SLC9A4: variants seen among roughly 807,000 people sequenced by gnomAD.
SLC9A4 encodes the protein sodium/hydrogen exchanger 4.
Under a neutral mutation model 67.4 loss-of-function variants are expected in SLC9A4, and 63 were observed. That is an observed-to-expected ratio of 0.93 (90% CI 0.76 to 1.15). The LOEUF (loss-of-function observed/expected upper bound fraction) is 1.15. Among genes scored for constraint, SLC9A4 ranks in the 50% most tolerant of loss-of-function variants. The pLI is 0.00. For synonymous variants in SLC9A4, 393 were observed against 367.2 expected (o/e 1.07, Z -0.80); for missense variants, 1,089 against 987.7 (o/e 1.10, Z -1.38).
intron 7 of SLC9A4, among the ~76,000 whole-genome samples, chr2:102,512,615 A>G (rs1685187715): frequency 1.3e-5 from 2 of 152,234 alleles, no homozygotes; most frequent in South Asian, 4.1e-4. Context: ...AAAGGAGTTT[A>G]GAAAGGGAGC....
In SLC9A4 at chr2:102,532,688, G is replaced by A. The variant is rs79918239; in HGVS notation, c.2397G>A (p.Ter799=). The A allele has an allele frequency of 8.4e-5, 135 of 1,610,758 alleles. 2 individuals carry two copies. The East Asian group carries it at 2.9e-3, about 35-fold the overall frequency. ...RSHSPLLQKK[*] Reference sequence around the variant, plus strand: ...ATAGTCCTTTGCTCCAAAAAAAATAGTGTTATTGTCCACAAGATTGTTTTG... The same window carrying A: ...ATAGTCCTTTGCTCCAAAAAAAATAATGTTATTGTCCACAAGATTGTTTTG... Residue 799 remains the stop codon, a stop_retained_variant, in exon 12 of 12, where the codon TAG becomes TAA. Coordinates refer to ENST00000295269, the MANE Select transcript of SLC9A4 (RefSeq NM_001011552.4).
intron 3 of SLC9A4, 78 bp from the exon 4 acceptor site, chr2:102,505,176 G>C: frequency 7.7e-7 from 1 of 1,296,800 alleles, no homozygotes; most frequent in Non-Finnish European, 1.1e-6. Flanking sequence ...ATGCATCTGT[G>C]GCATTGCCTG....
intron 9 of SLC9A4, among the ~76,000 whole-genome samples, chr2:102,522,678 A>G (rs923681832): frequency 6.6e-6 from 1 of 152,192 alleles, no homozygotes. Flanking sequence ...AACAATTGTA[A>G]AAGTTTGTCT....
chr2:102,513,815 C>A (rs981071606), intron 7 of SLC9A4, among the ~76,000 whole-genome samples: 2 of 152,148 alleles, frequency 1.3e-5, no homozygotes, highest in Admixed American at 6.5e-5. Context: ...CTTATGCACA[C>A]TTTTTGCCCT....
Position 102,531,085 on chromosome 2 carries a change from C to T in SLC9A4, c.2039-1245C>T, listed in dbSNP as rs1271077941. On this transcript the variant is annotated intron_variant, in intron 11 of 11. Transcript: ENST00000295269. ...TTCTTTTTTTTTTTTTTTTTTGAGA[C>T]GGAGTCTTGCTCTGTCGCCAAATCT... Among the ~76,000 whole-genome samples the T allele has an allele frequency of 1.2e-4, 12 of 101,698 alleles. No homozygotes were observed. In the South Asian group the frequency reaches 1.6e-3, roughly 13 times the overall value. The allele number at this position is 101,698 out of a possible 152,430, so 66.7% of individuals were successfully genotyped here. A position where few individuals can be genotyped will look rare whatever the true frequency, so the allele number is the denominator to read the frequency against.
chr2:102,514,791 A>G (rs989666737), intron 8 of SLC9A4, among the ~76,000 whole-genome samples: 6 of 152,118 alleles, frequency 3.9e-5, no homozygotes, highest in African/African-American at 1.4e-4. Context: ...GAGATTGTGA[A>G]ATTTGTCTTG....
At chr2:102,504,991 C>T (rs1476966558) in intron 3 of SLC9A4, among the ~76,000 whole-genome samples, 1 of 152,194 alleles carries the variant, frequency 6.6e-6, no homozygotes, top group African/African-American at 2.4e-5. Flanking sequence ...ATTGGGTGTG[C>T]CCATGCGAAT....
chr2:102,528,934 C>T (rs558522365), intron 11 of SLC9A4, among the ~76,000 whole-genome samples: 35 of 152,162 alleles, frequency 2.3e-4, no homozygotes, highest in African/African-American at 7.7e-4. Flanking sequence ...CTGTCATTTC[C>T]GGTCTATAAA....
At chr2:102,495,469 CA>C (rs1439020471) in intron 2 of SLC9A4, among the ~76,000 whole-genome samples, 1 of 151,976 alleles carries the variant, frequency 6.6e-6, no homozygotes, top group African/African-American at 2.4e-5. Context: ...AAGAGCCCAT[CA>C]AAATCCCAGA....
chr2:102,478,689 T>C (rs1443858157), intron 1 of SLC9A4, 150 bp from the exon 2 acceptor site: 9 of 731,884 alleles, frequency 1.2e-5, no homozygotes, highest in Non-Finnish European at 1.5e-5. Context: ...GCGACCCTCA[T>C]GACACTACCA....
chr2:102,483,881 A>G (rs957994923), intron 2 of SLC9A4, among the ~76,000 whole-genome samples: 1 of 147,794 alleles, frequency 6.8e-6, no homozygotes, highest in Non-Finnish European at 1.5e-5. Context: ...ATATATACAT[A>G]TATAATATAT....
intron 6 of SLC9A4, among the ~76,000 whole-genome samples, 171 bp downstream of exon 6, chr2:102,509,104 A>C (rs1197179512): frequency 6.6e-6 from 1 of 152,224 alleles, no homozygotes; most frequent in East Asian, 1.9e-4. Flanking sequence ...TTAGTGCTTA[A>C]AACAATGCAG....
intron 2 of SLC9A4, among the ~76,000 whole-genome samples, chr2:102,493,877 G>A (rs1684754793): frequency 6.6e-6 from 1 of 151,806 alleles, no homozygotes; most frequent in Non-Finnish European, 1.5e-5. Context: ...TGGGCAGAGT[G>A]TTTCACCTCA....
At chr2:102,482,139 C>T (rs369577633) in intron 2 of SLC9A4, among the ~76,000 whole-genome samples, 2 of 152,208 alleles carry the variant, frequency 1.3e-5, no homozygotes, top group African/African-American at 2.4e-5. Context: ...GGAAGCTGCC[C>T]GGGGAGTCTG....
At chr2:102,531,551 C>T (rs1409208767) in intron 11 of SLC9A4, among the ~76,000 whole-genome samples, 1 of 152,150 alleles carries the variant, frequency 6.6e-6, no homozygotes, top group South Asian at 2.1e-4. Flanking sequence ...AGGCTCTGCT[C>T]AAACTCTGGT....
chr2:102,523,292 A>G (rs11123935), intron 9 of SLC9A4, among the ~76,000 whole-genome samples: 116,009 of 152,058 alleles, frequency 0.76, 44,501 homozygotes, highest in Middle Eastern at 0.81. Context: ...CCTTCTTTAC[A>G]ACACTATTTT....
intron 2 of SLC9A4, among the ~76,000 whole-genome samples, chr2:102,481,178 C>T (rs78923289): frequency 0.018 from 2,809 of 152,220 alleles, 76 homozygotes; most frequent in East Asian, 0.089. Flanking sequence ...TGCCAAATAT[C>T]GTGGCATTAC....
intron 2 of SLC9A4, among the ~76,000 whole-genome samples, chr2:102,485,221 A>G (rs1684561906): frequency 6.6e-6 from 1 of 152,194 alleles, no homozygotes. Flanking sequence ...TTATAAAGAC[A>G]CAGATTCTCA....
chr2:102,526,925 G>A, intron 11 of SLC9A4, among the ~76,000 whole-genome samples: 1 of 152,036 alleles, frequency 6.6e-6, no homozygotes, highest in Non-Finnish European at 1.5e-5. Context: ...TTAGCAAAAG[G>A]TGACATAATA....
Sources: allele counts gnomAD v4.1 joint callset (sites outside exome capture counted in the v4.1 genomes callset), GRCh38; gene constraint gnomAD v4.1.1; transcripts MANE v1.5; gene names NCBI Gene and HGNC (gene_info 2026-07-23, HGNC 2026-07-21).